KCNIP1: variants seen among roughly 807,000 people sequenced by gnomAD.
The protein encoded by KCNIP1 is A-type potassium channel modulatory protein KCNIP1.
Under a neutral mutation model 33.0 loss-of-function variants are expected in KCNIP1, and 18 were observed. The ratio of observed to expected loss-of-function variants is 0.55; its 90% confidence interval spans 0.38 to 0.81. The LOEUF is 0.81. Among genes scored for constraint, KCNIP1 ranks in the 30% least tolerant of loss-of-function variants. The probability of loss-of-function intolerance (pLI) is 0.00; values close to 1 mark genes in which losing one functional copy is unlikely to be tolerated. For missense variants in KCNIP1, 238 were observed against 271.6 expected, an observed-to-expected ratio of 0.88 and a Z score of 0.87; for synonymous variants, 93 against 98.3, an observed-to-expected ratio of 0.95 and a Z score of 0.32.
rs56357842 is a variant in KCNIP1, at chr5:170,498,369, T to G, written c.88+144405T>G. Among the ~76,000 whole-genome samples the G allele has an allele frequency of 1.9e-3, 293 of 152,228 alleles. 1 individual carries two copies. The highest frequency in any genetic ancestry group is 6.4e-3 in the African/African-American group (264 of 41,548). On this transcript the variant is annotated intron_variant, in intron 1 of 7. Coordinates refer to the KCNIP1 transcript ENST00000377360. ...AACTTGCCCAAAGTCACAAAACAAATCCGGGACTTTAAGCCTGATCTGCTT... is the reference window on the plus strand; with the variant it reads ...AACTTGCCCAAAGTCACAAAACAAAGCCGGGACTTTAAGCCTGATCTGCTT...
intron 1 of KCNIP1, among the ~76,000 whole-genome samples, chr5:170,578,875 T>C (rs1203617411): frequency 6.6e-6 from 1 of 151,836 alleles, no homozygotes; most frequent in Non-Finnish European, 1.5e-5. Context: ...TGAAGAGAGA[T>C]TGGGAGCGTA....
chr5:170,620,657 T>C (rs1195949602), intron 1 of KCNIP1, among the ~76,000 whole-genome samples: 1 of 152,210 alleles, frequency 6.6e-6, no homozygotes, highest in East Asian at 1.9e-4. Flanking sequence ...CCGTATCAGG[T>C]TGAATTTTTG....
chr5:170,609,804 C>G (rs1469510958), intron 1 of KCNIP1, among the ~76,000 whole-genome samples: 1 of 152,154 alleles, frequency 6.6e-6, no homozygotes, highest in Non-Finnish European at 1.5e-5. Context: ...TTGCAGTGAG[C>G]TATAATCACA....
chr5:170,716,890 C>A (rs1278105175), intron 1 of KCNIP1, among the ~76,000 whole-genome samples: 1 of 152,132 alleles, frequency 6.6e-6, no homozygotes, highest in Non-Finnish European at 1.5e-5. Context: ...TAACAGTGTA[C>A]TGGATGTCTT....
At chr5:170,586,713 T>C (rs542439758) in intron 1 of KCNIP1, among the ~76,000 whole-genome samples, 2 of 152,344 alleles carry the variant, frequency 1.3e-5, no homozygotes, top group East Asian at 3.9e-4. Context: ...TCACAGTGGA[T>C]ATTGCTGTTG....
At chr5:170,525,038 C>T (rs1457559937) in intron 1 of KCNIP1, among the ~76,000 whole-genome samples, 2 of 152,212 alleles carry the variant, frequency 1.3e-5, no homozygotes, top group African/African-American at 4.8e-5. Flanking sequence ...GGGACTTCTG[C>T]ACAAGGCCGG....
intron 1 of KCNIP1, among the ~76,000 whole-genome samples, chr5:170,477,900 T>C (rs1157257698): frequency 6.6e-6 from 1 of 152,222 alleles, no homozygotes; most frequent in Non-Finnish European, 1.5e-5. Flanking sequence ...CACATCTTCA[T>C]AGATCTATAA....
At position 170,408,839 on chromosome 5, in the gene KCNIP1, G is replaced by A. The variant is rs963717716; in HGVS notation, c.88+54875G>A. ...CAGCAGAGTGAAGGCTCAGTCAGGC[G>A]GTGGGTCTTTTTGCGTGGGTATTTG... On this transcript the variant is annotated intron_variant, in intron 1 of 7. Coordinates refer to the KCNIP1 transcript ENST00000377360. Among the ~76,000 whole-genome samples, 36 of 152,300 alleles carry A rather than the reference G, an allele frequency of 2.4e-4. No individual in the cohort carries two copies. The East Asian group carries it at 2.9e-3, about 12-fold the overall frequency.
At chr5:170,412,906 C>T (rs1050747969) in intron 1 of KCNIP1, among the ~76,000 whole-genome samples, 3 of 152,154 alleles carry the variant, frequency 2.0e-5, no homozygotes, top group Non-Finnish European at 4.4e-5. Context: ...CACACACCTG[C>T]CGCCCCAGGC....
Position 170,549,015 on chromosome 5 carries a change from G to A in KCNIP1, c.61+44382G>A, listed in dbSNP as rs139620027. On this transcript the variant is annotated intron_variant, in intron 1 of 7. Transcript: ENST00000328939. ...CCAAGTAGTACACTAGGGACCTCAC[G>A]GTCACTGTGAGGGATGGGGGTCTCT... is the stretch of plus-strand genomic sequence containing the variant. 3.4e-3 allele frequency among the ~76,000 whole-genome samples: 520 copies of A among 152,184 alleles called. 4 individuals carry two copies. The highest frequency in any genetic ancestry group is 0.03 in the South Asian group (143 of 4,814).
intron 1 of KCNIP1, among the ~76,000 whole-genome samples, chr5:170,685,262 A>G (rs1762502597): frequency 6.6e-6 from 1 of 151,692 alleles, no homozygotes; most frequent in African/African-American, 2.4e-5. Context: ...TCAAAGGGAC[A>G]TCCAGAGTTG....
intron 1 of KCNIP1, among the ~76,000 whole-genome samples, chr5:170,600,342 G>C (rs903587659): frequency 2.0e-5 from 3 of 152,294 alleles, no homozygotes; most frequent in African/African-American, 7.2e-5. Flanking sequence ...TGTATTTAGC[G>C]TCCAGGCTTT....
intron 1 of KCNIP1, among the ~76,000 whole-genome samples, chr5:170,562,187 A>T (rs954850839): frequency 2.6e-5 from 4 of 152,246 alleles, no homozygotes; most frequent in Non-Finnish European, 5.9e-5. Flanking sequence ...TCTTGGAGGA[A>T]GTCAAATAGA....
chr5:170,623,943 G>A (rs1364037557), intron 1 of KCNIP1, among the ~76,000 whole-genome samples: 2 of 152,128 alleles, frequency 1.3e-5, no homozygotes, highest in Non-Finnish European at 2.9e-5. Context: ...TTCACTCCAC[G>A]CCCAGCCAGC....
At chr5:170,601,935 C>T (rs1444512728) in intron 1 of KCNIP1, among the ~76,000 whole-genome samples, 1 of 152,162 alleles carries the variant, frequency 6.6e-6, no homozygotes, top group Non-Finnish European at 1.5e-5. Context: ...GGGACAGATG[C>T]TGCCAGAAAC....
chr5:170,430,760 T>C (rs1755721888), intron 1 of KCNIP1, among the ~76,000 whole-genome samples: 3 of 152,178 alleles, frequency 2.0e-5, no homozygotes, highest in South Asian at 4.1e-4. Flanking sequence ...TCATACGCAG[T>C]TCCTGGGTCA....
At chr5:170,378,601 G>A (rs1764100713) in intron 1 of KCNIP1, 10 of 1,204,362 alleles carry the variant, frequency 8.3e-6, no homozygotes, top group Non-Finnish European at 1.2e-5. Flanking sequence ...TGGAAGAGTG[G>A]GAGGGCAGGT....
At chr5:170,474,265 A>C (rs34013296) in intron 1 of KCNIP1, among the ~76,000 whole-genome samples, 61,277 of 151,758 alleles carry the variant, frequency 0.4, 15,549 homozygotes, top group African/African-American at 0.72. Flanking sequence ...CTTACCCTCC[A>C]AGAACTCCAC....
intron 1 of KCNIP1, among the ~76,000 whole-genome samples, chr5:170,693,742 G>T (rs933253171): frequency 3.3e-5 from 5 of 152,124 alleles, no homozygotes; most frequent in African/African-American, 1.2e-4. Flanking sequence ...AAATTCCCCT[G>T]TCATATCACG....
Sources: gnomAD v4.1 joint callset for allele counts (sites outside exome capture counted in the v4.1 genomes callset) on GRCh38, gnomAD v4.1.1 for gene constraint, MANE v1.5 for transcripts, NCBI Gene and HGNC (gene_info 2026-07-23, HGNC 2026-07-21) for gene names.